The following FAM241A variants were observed in gnomAD, a reference collection of about 807,000 sequenced individuals.
FAM241A encodes uncharacterized protein FAM241A.
A neutral mutation model predicts 12.2 loss-of-function variants in FAM241A; 7 were observed. The observed-to-expected ratio is 0.58, with a 90% CI of 0.33 to 1.08. The LOEUF (loss-of-function observed/expected upper bound fraction) is 1.08, where lower values mean the gene tolerates loss of function less well. FAM241A is among the 50% of genes least tolerant of loss of function. The probability of loss-of-function intolerance (pLI) is 0.04; values close to 1 mark genes in which losing one functional copy is unlikely to be tolerated. For synonymous variants in FAM241A, 74 were observed against 68.2 expected (o/e 1.08, Z -0.42); for missense variants, 161 against 169.7 (o/e 0.95, Z 0.29).
chr4:112,173,410 C>G (rs1723762362), intron 1 of FAM241A, among the ~76,000 whole-genome samples: 1 of 152,118 alleles, frequency 6.6e-6, no homozygotes, highest in African/African-American at 2.4e-5. Context: ...ACAGGACTGA[C>G]TATTCTGAGA....
chr4:112,186,643 C>T, intron 1 of FAM241A, 50 bp from the exon 2 acceptor site: 1 of 1,539,504 alleles, frequency 6.5e-7, no homozygotes, highest in Non-Finnish European at 8.8e-7. Flanking sequence ...AAGACGTTTA[C>T]ATATTTCTCA....
chr4:112,158,856 C>G (rs983754528), intron 1 of FAM241A, among the ~76,000 whole-genome samples: 2 of 152,124 alleles, frequency 1.3e-5, no homozygotes, highest in Admixed American at 6.5e-5. Context: ...CAAATATTCT[C>G]TTCTAGCTTT....
At chr4:112,179,824 C>T (rs1723892939) in intron 1 of FAM241A, among the ~76,000 whole-genome samples, 2 of 148,082 alleles carry the variant, frequency 1.4e-5, no homozygotes, top group Non-Finnish European at 3.0e-5. Context: ...AAGACTCATG[C>T]TCTCATATGT....
At chr4:112,174,384 T>TGTG (rs1415977771) in intron 1 of FAM241A, among the ~76,000 whole-genome samples, 5 of 152,182 alleles carry the variant, frequency 3.3e-5, no homozygotes, top group Non-Finnish European at 7.4e-5. Context: ...CTGGGCACGG[T>TGTG]GACTCACGCC....
intron 1 of FAM241A, among the ~76,000 whole-genome samples, chr4:112,183,358 G>T (rs777502120): frequency 6.6e-6 from 1 of 152,046 alleles, no homozygotes; most frequent in Non-Finnish European, 1.5e-5. Context: ...TGGGTCTTCA[G>T]CTTCCAGTCT....
intron 1 of FAM241A, among the ~76,000 whole-genome samples, chr4:112,175,511 T>C (rs1485700850): frequency 6.6e-6 from 1 of 152,170 alleles, no homozygotes; most frequent in African/African-American, 2.4e-5. Context: ...CTCACACCGG[T>C]ACTCCCAGCA....
At chr4:112,186,074 T>C (rs1724033442) in intron 1 of FAM241A, among the ~76,000 whole-genome samples, 1 of 152,108 alleles carries the variant, frequency 6.6e-6, no homozygotes, top group Admixed American at 6.5e-5. Flanking sequence ...GAAATAATAC[T>C]TTAGGTATGT....
At chr4:112,171,727 C>T (rs182720746) in intron 1 of FAM241A, among the ~76,000 whole-genome samples, 3,694 of 152,004 alleles carry the variant, frequency 0.024, 59 homozygotes, top group Non-Finnish European at 0.036. Context: ...GGCATGGTGG[C>T]GGGCGCCTGT....
intron 1 of FAM241A, among the ~76,000 whole-genome samples, chr4:112,148,069 T>C (rs1268272344): frequency 1.3e-5 from 2 of 152,158 alleles, no homozygotes; most frequent in South Asian, 2.1e-4. Flanking sequence ...TCTAGCTCTT[T>C]CAATGATTTT....
intron 1 of FAM241A, among the ~76,000 whole-genome samples, chr4:112,160,562 A>G (rs1415268096): frequency 6.6e-6 from 1 of 152,196 alleles, no homozygotes; most frequent in African/African-American, 2.4e-5. Context: ...CATTCCCGAA[A>G]TTTATTTACA....
At chr4:112,153,749 T>C (rs1472122515) in intron 1 of FAM241A, among the ~76,000 whole-genome samples, 2 of 152,204 alleles carry the variant, frequency 1.3e-5, no homozygotes, top group Non-Finnish European at 2.9e-5. Flanking sequence ...TCTTGCTGTT[T>C]TCTTAGGGCA....
intron 1 of FAM241A, among the ~76,000 whole-genome samples, chr4:112,160,074 A>T (rs1248456845): frequency 6.6e-6 from 1 of 152,228 alleles, no homozygotes; most frequent in Non-Finnish European, 1.5e-5. Flanking sequence ...AATTCAATAA[A>T]GTTGCATAAT....
rs149383257 is a variant in FAM241A at position 112,169,881 on chromosome 4, C to T, written c.154-16812C>T. On this transcript the variant is annotated intron_variant, in intron 1 of 1. Coordinates refer to ENST00000309733, the MANE Select transcript of FAM241A (RefSeq NM_152400.3). The stretch of plus-strand genomic sequence containing the variant: ...TATTGTCATGTATTTGTTTATCTTC[C>T]CTTTCTGTATGATACTATGTCTTAC... 9.2e-5 allele frequency among the ~76,000 whole-genome samples: 14 copies of T among 152,244 alleles called. No homozygotes were observed. In the East Asian group the frequency reaches 2.3e-3, roughly 25 times the overall value.
chr4:112,166,174 G>A (rs376895365), intron 1 of FAM241A, among the ~76,000 whole-genome samples: 4 of 149,978 alleles, frequency 2.7e-5, no homozygotes, highest in African/African-American at 7.4e-5. Context: ...AGCCTCTCCC[G>A]AGTAGCTGGG....
intron 1 of FAM241A, among the ~76,000 whole-genome samples, chr4:112,165,646 G>A (rs1036652738): frequency 1.3e-5 from 2 of 152,168 alleles, no homozygotes; most frequent in African/African-American, 4.8e-5. Context: ...AGTGAAATAA[G>A]CCAGGCACAG....
chr4:112,168,616 T>A (rs1723649209), intron 1 of FAM241A, among the ~76,000 whole-genome samples: 1 of 152,150 alleles, frequency 6.6e-6, no homozygotes, highest in Admixed American at 6.6e-5. Context: ...TATTGATAAG[T>A]TAATTTTAAA....
intron 1 of FAM241A, 131 bp downstream of exon 1, chr4:112,145,864 C>A: frequency 4.2e-6 from 2 of 478,724 alleles, no homozygotes; most frequent in Non-Finnish European, 5.7e-6. Context: ...GGCTCCCCGG[C>A]GCTCTGGGAA....
chr4:112,154,761 G>A (rs192167192), intron 1 of FAM241A, among the ~76,000 whole-genome samples: 219 of 152,142 alleles, frequency 1.4e-3, no homozygotes, highest in African/African-American at 5.1e-3. Context: ...AGCAGGGTGT[G>A]GTGGGTCATG....
Position 112,145,474 on chromosome 4 carries a change from C to G in FAM241A, c.-107C>G. ...GGCGCGCTCCGGCGGCTCCTGTCAG[C>G]GGCGGGTGCGGCGGATCCCAGGGCA... is the stretch of plus-strand genomic sequence containing the variant. On this transcript the variant is annotated 5_prime_UTR_variant, in exon 1 of 2. Transcript: ENST00000309733. 1 of 1,102,132 alleles carries G rather than the reference C, an allele frequency of 9.1e-7. No homozygotes were observed. The highest frequency in any genetic ancestry group is 1.1e-6 in the Non-Finnish European group (1 of 881,492). The allele number at this position is 1,102,132 out of a possible 1,614,324, so 68.3% of individuals were successfully genotyped here.
Sources: allele counts gnomAD v4.1 joint callset (sites outside exome capture counted in the v4.1 genomes callset), GRCh38; gene constraint gnomAD v4.1.1; transcripts MANE v1.5; gene names NCBI Gene and HGNC (gene_info 2026-07-23, HGNC 2026-07-21).